INIP: variants seen among roughly 807,000 people sequenced by gnomAD.
INIP encodes the protein SOSS complex subunit C.
Under a neutral mutation model 14.0 loss-of-function variants are expected in INIP, and 9 were observed. That is an observed-to-expected ratio of 0.64 (90% CI 0.39 to 1.12). INIP has a LOEUF of 1.12. INIP is among the 50% of genes most tolerant of loss of function. The pLI is 0.01. For synonymous variants in INIP, 37 were observed against 41.5 expected (o/e 0.89, Z 0.41); for missense variants, 78 against 122.7 (o/e 0.64, Z 1.72).
intron 2 of INIP, among the ~76,000 whole-genome samples, chr9:112,697,462 T>C (rs1427674674): frequency 1.1e-4 from 16 of 152,182 alleles, no homozygotes; most frequent in Admixed American, 9.8e-4. Flanking sequence ...CATGTGCCTG[T>C]AGGCTAGCTA....
chr9:112,713,357 C>A (rs1838705458), intron 2 of INIP, among the ~76,000 whole-genome samples: 1 of 152,130 alleles, frequency 6.6e-6, no homozygotes, highest in African/African-American at 2.4e-5. Context: ...TAAAACAGTA[C>A]AAAGAGAGCT....
intron 1 of INIP, among the ~76,000 whole-genome samples, chr9:112,717,092 C>A (rs1160043362): frequency 6.6e-6 from 1 of 152,090 alleles, no homozygotes; most frequent in Admixed American, 6.5e-5. Flanking sequence ...GATGTTCATA[C>A]CATTTAGCAT....
chr9:112,711,183 A>T (rs1032026425), intron 2 of INIP, among the ~76,000 whole-genome samples: 2 of 152,098 alleles, frequency 1.3e-5, no homozygotes, highest in African/African-American at 4.8e-5. Context: ...AAAAAAAATT[A>T]AATTAAAGAG....
chr9:112,703,290 T>C (rs1838355715), intron 2 of INIP, among the ~76,000 whole-genome samples: 1 of 152,226 alleles, frequency 6.6e-6, no homozygotes, highest in South Asian at 2.1e-4. Flanking sequence ...TAAACTGGAC[T>C]GACATTATTA....
chr9:112,717,161 G>C (rs973430457), intron 1 of INIP, among the ~76,000 whole-genome samples: 2 of 152,110 alleles, frequency 1.3e-5, no homozygotes, highest in Admixed American at 1.3e-4. Flanking sequence ...CCAATTGATA[G>C]AGTCAATATA....
At chr9:112,694,309 C>T (rs1838003081) in intron 2 of INIP, 76 bp from the exon 3 acceptor site, 2 of 844,392 alleles carry the variant, frequency 2.4e-6, no homozygotes, top group Admixed American at 2.4e-5. Context: ...ATTTTTATAA[C>T]CTAAGTCATC....
intron 2 of INIP, among the ~76,000 whole-genome samples, chr9:112,709,713 A>C (rs1172331586): frequency 6.6e-6 from 1 of 152,224 alleles, no homozygotes; most frequent in Non-Finnish European, 1.5e-5. Flanking sequence ...TTTTCATTAG[A>C]TAGGCCACAA....
chr9:112,702,530 A>G (rs1470144705), intron 2 of INIP, among the ~76,000 whole-genome samples: 1 of 152,116 alleles, frequency 6.6e-6, no homozygotes, highest in African/African-American at 2.4e-5. Flanking sequence ...AGTTGTGCAA[A>G]ACGCTCATGT....
At chr9:112,703,102 T>C (rs1838351103) in intron 2 of INIP, among the ~76,000 whole-genome samples, 1 of 152,106 alleles carries the variant, frequency 6.6e-6, no homozygotes, top group Non-Finnish European at 1.5e-5. Flanking sequence ...TTCTACCCCC[T>C]CCTCCTCTCA....
chr9:112,695,813 GA>G (rs1838066111), intron 2 of INIP, among the ~76,000 whole-genome samples: 1 of 94,582 alleles, frequency 1.1e-5, no homozygotes, highest in Admixed American at 1.2e-4. Context: ...AGGAGGAGAA[GA>G]AGAAGGAGAA....
At chr9:112,715,666 G>A (rs1006327089) in intron 2 of INIP, among the ~76,000 whole-genome samples, 81 of 151,668 alleles carry the variant, frequency 5.3e-4, no homozygotes, top group African/African-American at 1.8e-3. Flanking sequence ...CCAGCTACTC[G>A]GGAGGTTGAG....
intron 2 of INIP, among the ~76,000 whole-genome samples, chr9:112,696,331 C>T (rs1226766983): frequency 2.0e-5 from 3 of 152,084 alleles, no homozygotes; most frequent in Non-Finnish European, 4.4e-5. Context: ...GGGGCCTTTC[C>T]ATGCTGCACG....
chr9:112,708,079 C>T (rs1282773795), intron 2 of INIP, among the ~76,000 whole-genome samples: 1 of 152,124 alleles, frequency 6.6e-6, no homozygotes, highest in East Asian at 1.9e-4. Flanking sequence ...AAATAGAGAT[C>T]AATCAAATAA....
intron 2 of INIP, among the ~76,000 whole-genome samples, chr9:112,707,281 C>G (rs1300894327): frequency 6.7e-6 from 1 of 148,936 alleles, no homozygotes; most frequent in Non-Finnish European, 1.5e-5. Flanking sequence ...TGTTTAATAT[C>G]CCTTTATAAC....
rs1838893299 is a variant in INIP at position 112,718,094 on chromosome 9, G to C, written c.-164C>G. On this transcript the variant is annotated 5_prime_UTR_variant, in exon 1 of 5. Transcript: ENST00000374242. ...CAACTCGCGGCACTACAACCTTCCC[G>C]CCCCCGCTGCGCTTCCGCCTCCTGA... is the stretch of plus-strand genomic sequence containing the variant. 1 of 152,648 alleles carries C rather than the reference G, an allele frequency of 6.6e-6. No individual in the cohort carries two copies. Among genetic ancestry groups the C allele is most frequent in the Non-Finnish European group, 1.5e-5 (1 of 68,062 alleles). The allele number at this position is 152,648 out of a possible 1,614,324, so 9.5% of individuals were successfully genotyped here.
chr9:112,702,625 C>G (rs1838335689), intron 2 of INIP, among the ~76,000 whole-genome samples: 1 of 152,144 alleles, frequency 6.6e-6, no homozygotes, highest in Non-Finnish European at 1.5e-5. Context: ...AGTGCAGTGG[C>G]ACGATCTCAG....
chr9:112,695,255 G>GAAAAAA (rs60657759), intron 2 of INIP, among the ~76,000 whole-genome samples: 91 of 64,540 alleles, frequency 1.4e-3, no homozygotes, highest in East Asian at 3.1e-3. Flanking sequence ...CAGAACTACA[G>GAAAAAA]AAAAAAAAAA....
chr9:112,715,548 C>T (rs555908347), intron 2 of INIP, among the ~76,000 whole-genome samples: 10 of 152,104 alleles, frequency 6.6e-5, no homozygotes, highest in African/African-American at 2.2e-4. Flanking sequence ...CCAAGGCGGG[C>T]GGATCACCTG....
chr9:112,689,706 A>T, intron 3 of INIP, 89 bp from the exon 4 acceptor site: 1 of 925,628 alleles, frequency 1.1e-6, no homozygotes, highest in Non-Finnish European at 1.7e-6. Context: ...TCTTTTTTTT[A>T]AATTGAGGTA....
Sources: allele counts gnomAD v4.1 joint callset (sites outside exome capture counted in the v4.1 genomes callset), GRCh38; gene constraint gnomAD v4.1.1; transcripts MANE v1.5; gene names NCBI Gene and HGNC (gene_info 2026-07-23, HGNC 2026-07-21).